The following ROBO1 variants were observed in gnomAD, a reference collection of about 807,000 sequenced individuals.
ROBO1 encodes roundabout homolog 1.
Under a neutral mutation model 195.9 loss-of-function variants are expected in ROBO1, and 149 were observed. The ratio of observed to expected loss-of-function variants is 0.76; its 90% CI spans 0.67 to 0.87. The LOEUF (loss-of-function observed/expected upper bound fraction) is 0.87, where lower values mean the gene tolerates loss of function less well. ROBO1 is among the 40% of genes least tolerant of loss of function. ROBO1 has a pLI of 0.00. For synonymous variants in ROBO1, 816 were observed against 733.2 expected (o/e 1.11, Z -1.82); for missense variants, 1,933 against 2,068.3 (o/e 0.93, Z 1.27).
At chr3:79,320,822 T>C (rs550521832) in intron 2 of ROBO1, among the ~76,000 whole-genome samples, 1 of 152,330 alleles carries the variant, frequency 6.6e-6, no homozygotes, top group East Asian at 1.9e-4. Context: ...CAGAGATAAG[T>C]ATTTAATTTT....
chr3:79,394,147 A>T (rs2037053266), intron 2 of ROBO1, among the ~76,000 whole-genome samples: 1 of 152,078 alleles, frequency 6.6e-6, no homozygotes, highest in Admixed American at 6.6e-5. Flanking sequence ...AGAAAAAAAA[A>T]GATTTTGAAA....
intron 2 of ROBO1, among the ~76,000 whole-genome samples, chr3:79,520,070 G>A (rs1941142029): frequency 6.6e-6 from 1 of 151,782 alleles, no homozygotes; most frequent in African/African-American, 2.4e-5. Context: ...TAGAAGGTAG[G>A]AGGATTGCTT....
chr3:79,117,212 A>T (rs1300501537), intron 3 of ROBO1, among the ~76,000 whole-genome samples: 1 of 150,690 alleles, frequency 6.6e-6, no homozygotes, highest in Non-Finnish European at 1.5e-5. Flanking sequence ...TACTAAAATA[A>T]AAAAAAAATT....
intron 4 of ROBO1, among the ~76,000 whole-genome samples, chr3:78,892,415 G>A (rs2036959746): frequency 6.6e-6 from 1 of 152,184 alleles, no homozygotes; most frequent in Non-Finnish European, 1.5e-5. Flanking sequence ...GGTGTGAAAA[G>A]CCCAGCCCTG....
chr3:79,526,178 A>G (rs1438704617), intron 2 of ROBO1, among the ~76,000 whole-genome samples: 3 of 152,186 alleles, frequency 2.0e-5, no homozygotes, highest in African/African-American at 7.2e-5. Flanking sequence ...TTTGAATCTT[A>G]TTGTTTCCTT....
intron 4 of ROBO1, among the ~76,000 whole-genome samples, chr3:78,768,732 T>C (rs1369806680): frequency 3.4e-4 from 51 of 151,914 alleles, no homozygotes; most frequent in Admixed American, 3.3e-3. Flanking sequence ...ACATGTGCCA[T>C]GCTGGTGCGC....
chr3:78,641,519 G>A (rs1335092790), intron 21 of ROBO1, among the ~76,000 whole-genome samples: 1 of 152,130 alleles, frequency 6.6e-6, no homozygotes. Context: ...ACATTTAAAT[G>A]CAAATTATAA....
intron 3 of ROBO1, among the ~76,000 whole-genome samples, chr3:79,078,349 A>T (rs1385338670): frequency 6.6e-6 from 1 of 151,784 alleles, no homozygotes; most frequent in Non-Finnish European, 1.5e-5. Context: ...TGTAGGTTGT[A>T]CCCTCTAGTG....
intron 3 of ROBO1, among the ~76,000 whole-genome samples, chr3:79,105,647 T>C (rs1434872128): frequency 1.3e-5 from 2 of 151,798 alleles, no homozygotes; most frequent in Non-Finnish European, 3.0e-5. Context: ...ATATTTATAT[T>C]GACATTGTTA....
intron 4 of ROBO1, among the ~76,000 whole-genome samples, chr3:78,862,509 A>G (rs559099890): frequency 1.3e-5 from 2 of 152,316 alleles, no homozygotes; most frequent in South Asian, 4.1e-4. Flanking sequence ...ATTGTAAGAT[A>G]TTAAGTTTGT....
chr3:78,663,950 C>CA (rs1171125218), intron 14 of ROBO1, among the ~76,000 whole-genome samples: 1 of 152,102 alleles, frequency 6.6e-6, no homozygotes, highest in Non-Finnish European at 1.5e-5. Flanking sequence ...ACATAACTGC[C>CA]ATGATCTGCA....
At chr3:79,018,530 T>C (rs2078014707) in intron 3 of ROBO1, 2 of 1,600,612 alleles carry the variant, frequency 1.2e-6, no homozygotes, top group South Asian at 2.2e-5. Context: ...TCCCCAAATG[T>C]ATGAAGCCAC....
At chr3:79,211,665 C>T (rs1409263628) in intron 2 of ROBO1, among the ~76,000 whole-genome samples, 1 of 152,164 alleles carries the variant, frequency 6.6e-6, no homozygotes, top group East Asian at 1.9e-4. Flanking sequence ...GATAGGAGGA[C>T]AGTTTTGAAA....
At chr3:79,065,374 C>T (rs1482660360) in intron 3 of ROBO1, among the ~76,000 whole-genome samples, 1 of 151,752 alleles carries the variant, frequency 6.6e-6, no homozygotes, top group Admixed American at 6.6e-5. Context: ...TGTATCTCTG[C>T]CCATTGAAAA....
At chr3:79,162,768 T>C (rs530822836) in intron 2 of ROBO1, among the ~76,000 whole-genome samples, 1 of 152,234 alleles carries the variant, frequency 6.6e-6, no homozygotes, top group Non-Finnish European at 1.5e-5. Flanking sequence ...CATATTTCCA[T>C]GTTATCAGGT....
chr3:79,239,512 T>C (rs1296472034), intron 2 of ROBO1, among the ~76,000 whole-genome samples: 1 of 152,180 alleles, frequency 6.6e-6, no homozygotes, highest in Non-Finnish European at 1.5e-5. Flanking sequence ...TATATAATTA[T>C]AGATTACATA....
intron 18 of ROBO1, among the ~76,000 whole-genome samples, chr3:78,656,345 ATTTTTTT>A (rs5850382): frequency 9.0e-5 from 8 of 88,608 alleles, no homozygotes; most frequent in African/African-American, 2.1e-4. Context: ...TGCTTATTTG[ATTTTTTT>A]TTTTTTTTTT....
chr3:78,937,240 A>T (rs2039862542), intron 4 of ROBO1, among the ~76,000 whole-genome samples: 1 of 151,924 alleles, frequency 6.6e-6, no homozygotes, highest in Non-Finnish European at 1.5e-5. Context: ...CTGTCTCTAA[A>T]TCCCTTTCTA....
Position 78,667,886 on chromosome 3 carries a change from G to T in ROBO1, c.1963C>A (p.Gln655Lys). Residue 655 changes from glutamine (Q) to lysine (K), a missense_variant, in exon 14 of 31, where the codon CAA (glutamine) becomes AAA (lysine). Transcript: ENST00000464233. Reference protein sequence around the residue: ...PSQISDPVKTQDVLPTSQGVD... With the variant: ...PSQISDPVKTKDVLPTSQGVD... ...GTTTAAGTAAATCAATATTTACCTT[G>T]TGTTTTCACTGGATCTGATATTTGG... 6.2e-7 allele frequency: 1 copy of T among 1,613,166 alleles called. No individual in the cohort carries two copies. The highest frequency in any genetic ancestry group is 8.5e-7 in the Non-Finnish European group (1 of 1,179,432).
Sources: gnomAD v4.1 joint callset for allele counts (sites outside exome capture counted in the v4.1 genomes callset) on GRCh38, gnomAD v4.1.1 for gene constraint, MANE v1.5 for transcripts, NCBI Gene and HGNC (gene_info 2026-07-23, HGNC 2026-07-21) for gene names.